WRAP53: variants seen among roughly 807,000 people sequenced by gnomAD.
WRAP53 encodes the protein WD repeat containing antisense to TP53.
A neutral mutation model predicts 56.6 loss-of-function variants in WRAP53; 28 were observed. That is an observed-to-expected ratio of 0.50 (90% CI 0.37 to 0.68). The LOEUF is 0.68. WRAP53 is among the 30% of genes least tolerant of loss of function. The pLI, the probability that WRAP53 is intolerant of heterozygous loss-of-function variation, is 0.00. For synonymous variants in WRAP53, 283 were observed against 283.4 expected, an observed-to-expected ratio of 1.00 and a Z score of 0.01; for missense variants, 671 against 715.5, an observed-to-expected ratio of 0.94 and a Z score of 0.71.
intron 4 of WRAP53, among the ~76,000 whole-genome samples, chr17:7,693,522 C>T (rs905745193): frequency 1.3e-5 from 2 of 152,040 alleles, no homozygotes; most frequent in Non-Finnish European, 2.9e-5. Context: ...AATTCAAGAC[C>T]GACCTGGCCA....
At chr17:7,686,418 G>A (rs1023108302), upstream of WRAP53, 1 of 152,196 alleles carries the variant, frequency 6.6e-6, no homozygotes, top group African/African-American at 2.4e-5. Context: ...GTCCGCCTAG[G>A]TTGCAGGCGA....
upstream of WRAP53, chr17:7,687,028 A>G (rs1033119404): frequency 3.2e-6 from 1 of 309,154 alleles, no homozygotes; most frequent in East Asian, 5.1e-5. Flanking sequence ...TCAGACCTCA[A>G]TGCTTTGTGC....
Position 7,703,385 on chromosome 17 carries a change from C to T in WRAP53, c.1546C>T (p.Leu516Phe), listed in dbSNP as rs766375350. Reference protein sequence around the residue: ...RHVHLECRLQLWWCGGAPDSS... With the variant: ...RHVHLECRLQFWWCGGAPDSS... ...CGTCCACCTTGAATGTCGGCTTCAG[C>T]TCTGGTGGTGTGGGGGGGCGCCAGA... is the stretch of plus-strand genomic sequence containing the variant. The change falls in exon 11 of 11, where the codon CTC (leucine) becomes TTC (phenylalanine). Residue 516 changes from leucine to phenylalanine, a missense_variant. Physicochemically the swap from Leu to Phe is conservative, Grantham distance 22. Transcript: ENST00000396463. 6.2e-7 allele frequency: 1 copy of T among 1,614,004 alleles called. No individual in the cohort carries two copies. The highest frequency in any genetic ancestry group is 8.5e-7 in the Non-Finnish European group (1 of 1,180,014).
intron 4 of WRAP53, among the ~76,000 whole-genome samples, chr17:7,695,162 A>T (rs112476624): frequency 1.3e-5 from 2 of 151,986 alleles, no homozygotes; most frequent in African/African-American, 4.8e-5. Context: ...TCACCATGTT[A>T]GCCAGGATGG....
At chr17:7,694,965 T>C (rs2074162794) in intron 4 of WRAP53, among the ~76,000 whole-genome samples, 2 of 152,034 alleles carry the variant, frequency 1.3e-5, no homozygotes, top group Non-Finnish European at 1.5e-5. Context: ...ATAACTTTTT[T>C]TTTTTGAGAT....
In WRAP53 at chr17:7,702,868, C is replaced by G. The variant is rs958522880; in HGVS notation, c.1268+22C>G. 30 of 1,613,276 alleles carry G rather than the reference C, an allele frequency of 1.9e-5. No homozygotes were observed. Among genetic ancestry groups the G allele is most frequent in the Non-Finnish European group, 2.5e-5 (30 of 1,179,830 alleles). On this transcript the variant is annotated intron_variant, in intron 9 of 10. Transcript: ENST00000396463. This position sits in a 1 kb window ranked among gnomAD's most constrained non-coding sequence, Gnocchi z 5.0. Reference sequence around the variant, plus strand: ...ACCCGTGAGTGGCTGTGACTCCTTCCTACACAGGGCCCTGATAAGCCTAGG... The same window carrying G: ...ACCCGTGAGTGGCTGTGACTCCTTCGTACACAGGGCCCTGATAAGCCTAGG...
At chr17:7,698,691 A>G (rs917743318) in intron 4 of WRAP53, among the ~76,000 whole-genome samples, 3 of 152,026 alleles carry the variant, frequency 2.0e-5, no homozygotes, top group Non-Finnish European at 2.9e-5. Context: ...CCTGGCCAAG[A>G]TGGTGAAACC....
rs779914092 is a variant in WRAP53 at position 7,701,610 on chromosome 17, C to G, written c.823-47C>G. 3 of 1,614,148 alleles carry G rather than the reference C, an allele frequency of 1.9e-6. No homozygotes were observed. The highest frequency in any genetic ancestry group is 2.5e-6 in the Non-Finnish European group (3 of 1,180,064). ...TGGCCCGGCTCTCCTTCCTTGAGGG[C>G]AGCTGAGGCTTTGCAAGACCTGTTT... On this transcript the variant is annotated intron_variant, in intron 6 of 10. Transcript: ENST00000396463. This position sits in a 1 kb window ranked among gnomAD's most constrained non-coding sequence, Gnocchi z 4.2.
rs142390181 is a variant in WRAP53, at chr17:7,698,597, G to A, written c.643-2144G>A. On this transcript the variant is annotated intron_variant, in intron 4 of 10. Transcript: ENST00000396463. ...ATAATTTTAAAGATTAGCCGGGCAG[G>A]CTGGGCGTGGTGTCTCATGCCTGTA... is the stretch of plus-strand genomic sequence containing the variant. Among the ~76,000 whole-genome samples the A allele has an allele frequency of 4.4e-3, 666 of 152,236 alleles. 3 individuals carry two copies. Among genetic ancestry groups the A allele is most frequent in the African/African-American group, 0.015 (631 of 41,538 alleles).
upstream of WRAP53, chr17:7,687,537 ACCCCAAT>A (rs1205644733): frequency 2.5e-6 from 1 of 398,408 alleles, no homozygotes; most frequent in Non-Finnish European, 4.4e-6. Flanking sequence ...GGAGGGGAAA[ACCCCAAT>A]CCCATCAACC....
intron 4 of WRAP53, among the ~76,000 whole-genome samples, chr17:7,696,333 CTGT>C (rs2074184593): frequency 8.7e-6 from 1 of 115,538 alleles, no homozygotes; most frequent in Non-Finnish European, 1.6e-5. Flanking sequence ...GAGTCTTGCT[CTGT>C]CGCCCAGGCT....
intron 4 of WRAP53, among the ~76,000 whole-genome samples, chr17:7,694,048 C>T (rs917267162): frequency 2.0e-5 from 3 of 151,934 alleles, no homozygotes; most frequent in African/African-American, 4.8e-5. Flanking sequence ...TTTGGGAGGC[C>T]GAGGCGGGTG....
At chr17:7,700,944 T>A in intron 5 of WRAP53, 115 bp downstream of exon 5, 1 of 783,026 alleles carries the variant, frequency 1.3e-6, no homozygotes, top group Non-Finnish European at 2.3e-6. Flanking sequence ...GGCATGCTTA[T>A]CAGAGGGGCT....
At chr17:7,689,176 C>G in intron 2 of WRAP53, 48 bp from the exon 3 acceptor site, 2 of 1,613,398 alleles carry the variant, frequency 1.2e-6, no homozygotes, top group Non-Finnish European at 8.5e-7. Flanking sequence ...AGGCCTCTGC[C>G]CCCTTTGCTT....
intron 4 of WRAP53, 109 bp downstream of exon 4, chr17:7,689,810 T>G (rs2074085127): frequency 1.3e-5 from 12 of 907,656 alleles, no homozygotes; most frequent in Non-Finnish European, 1.7e-5. Context: ...GGGACTGTTT[T>G]TCAAGACGAG....
In WRAP53 at chr17:7,690,574, T is replaced by C. The variant is rs183016708; in HGVS notation, c.642+873T>C. Among the ~76,000 whole-genome samples the C allele has an allele frequency of 1.0e-3, 159 of 152,272 alleles. 2 individuals are homozygous for C. Among genetic ancestry groups the C allele is most frequent in the Non-Finnish European group, 2.8e-4 (19 of 68,030 alleles). On this transcript the variant is annotated intron_variant, in intron 4 of 10. Transcript: ENST00000396463. The stretch of plus-strand genomic sequence containing the variant: ...GAAAGAGCTTTCCAGGAACTGGCAA[T>C]GATACTATAAACACCCAGAACTGGG...
chr17:7,699,502 T>TTTA (rs1555530501), intron 4 of WRAP53, among the ~76,000 whole-genome samples: 501 of 11,678 alleles, frequency 0.043, 35 homozygotes, highest in Non-Finnish European at 0.055. Flanking sequence ...ATATATATAT[T>TTTA]TATATATATA....
Position 7,689,065 on chromosome 17 carries a change from G to A in WRAP53, c.417G>A (p.Glu139=), listed in dbSNP as rs1314959955. The part of the protein sequence containing the change: ...MEDTSGEPAA[E]DEGDTAWNYS... ...ATACCTCTGGGGAACCCGCTGCAGA[G>A]GACGAGGGAGACACGTAAGTGGTGA... The change falls in exon 2 of 11, where the codon GAG becomes GAA. Residue 139 remains glutamate (E), a synonymous_variant. Transcript: ENST00000396463. 3 of 1,614,032 alleles carry A rather than the reference G, an allele frequency of 1.9e-6. No individual in the cohort carries two copies. The highest frequency in any genetic ancestry group is 2.5e-6 in the Non-Finnish European group (3 of 1,180,016).
rs1401302766 is a variant in WRAP53, at chr17:7,699,496, A to ATT, written c.643-1244_643-1243insTT. Among the ~76,000 whole-genome samples, 9 of 12,192 alleles carry ATT rather than the reference A, an allele frequency of 7.4e-4. 1 individual carries two copies. The highest frequency in any genetic ancestry group is 9.3e-4 in the Non-Finnish European group (7 of 7,536). The allele number at this position is 12,192 out of a possible 152,430, so 8.0% of individuals were successfully genotyped here. A position where few individuals can be genotyped will look rare whatever the true frequency, so the allele number is the denominator to read the frequency against. ...TATATTTATATATATATATATATAT[A>ATT]TATATTTATATATATATATATATAT... On this transcript the variant is annotated intron_variant, in intron 4 of 10. Coordinates refer to ENST00000396463, the MANE Select transcript of WRAP53 (RefSeq NM_001143992.2).
Sources: gnomAD v4.1 joint callset for allele counts (sites outside exome capture counted in the v4.1 genomes callset) on GRCh38, gnomAD v4.1.1 for gene constraint, Gnocchi (gnomAD v3.1) non-coding constraint, MANE v1.5 for transcripts, NCBI Gene and HGNC (gene_info 2026-07-23, HGNC 2026-07-21) for gene names.